ABCA13: variants seen among roughly 807,000 people sequenced by gnomAD.
ABCA13 encodes the protein ATP binding cassette subfamily A member 13.
In ABCA13, 476 loss-of-function variants were observed where a neutral mutation model predicts 478.7. That is an observed-to-expected ratio of 0.99 (90% CI 0.92 to 1.07). ABCA13 has a LOEUF of 1.07. Among genes scored for constraint, ABCA13 ranks in the 50% least tolerant of loss-of-function variants. The pLI is 0.00. For missense variants in ABCA13, 6,060 were observed against 5,910.6 expected, an observed-to-expected ratio of 1.03 and a Z score of -0.83; for synonymous variants, 2,252 against 2,158.9, an observed-to-expected ratio of 1.04 and a Z score of -1.20.
chr7:48,399,814 A>C (rs1003967562), intron 38 of ABCA13, among the ~76,000 whole-genome samples: 2 of 152,148 alleles, frequency 1.3e-5, no homozygotes, highest in Non-Finnish European at 2.9e-5. Flanking sequence ...AGAGGTGGGG[A>C]AGGTCACAGT....
At chr7:48,238,466 TC>T (rs1283052776) in intron 8 of ABCA13, among the ~76,000 whole-genome samples, 1 of 132,896 alleles carries the variant, frequency 7.5e-6, no homozygotes, top group Non-Finnish European at 1.7e-5. Flanking sequence ...CTGTTGAAGT[TC>T]TTTTTTTTTT....
At chr7:48,184,361 T>C (rs767346951) in intron 1 of ABCA13, among the ~76,000 whole-genome samples, 3 of 152,224 alleles carry the variant, frequency 2.0e-5, no homozygotes, top group Non-Finnish European at 4.4e-5. Context: ...GCTTCAAGTC[T>C]ATGGCTGGTC....
intron 42 of ABCA13, among the ~76,000 whole-genome samples, chr7:48,432,034 A>C (rs190639205): frequency 4.8e-4 from 73 of 152,324 alleles, no homozygotes; most frequent in Non-Finnish European, 9.4e-4. Context: ...TTACATACGT[A>C]ACAAACCTGC....
chr7:48,565,699 T>C (rs1376195346), intron 55 of ABCA13, among the ~76,000 whole-genome samples: 11 of 152,160 alleles, frequency 7.2e-5, no homozygotes, highest in Admixed American at 7.2e-4. Flanking sequence ...CTAATCCATA[T>C]GTAAGAAACA....
chr7:48,178,837 A>C (rs1795246890), intron 1 of ABCA13, among the ~76,000 whole-genome samples: 1 of 151,484 alleles, frequency 6.6e-6, no homozygotes, highest in Non-Finnish European at 1.5e-5. Context: ...AAAAGAGAAA[A>C]TAATTCTCTC....
At chr7:48,440,501 T>A (rs1419935464) in intron 42 of ABCA13, among the ~76,000 whole-genome samples, 4 of 152,190 alleles carry the variant, frequency 2.6e-5, no homozygotes, top group African/African-American at 9.6e-5. Flanking sequence ...ATGTCAAAAT[T>A]TATTTAAACT....
chr7:48,475,329 G>A (rs926022497), intron 45 of ABCA13, among the ~76,000 whole-genome samples: 1 of 152,128 alleles, frequency 6.6e-6, no homozygotes, highest in Non-Finnish European at 1.5e-5. Context: ...CCCAAGGCCA[G>A]TTCTCTGGTC....
chr7:48,484,979 C>G (rs1460781252), intron 47 of ABCA13, among the ~76,000 whole-genome samples: 1 of 152,188 alleles, frequency 6.6e-6, no homozygotes, highest in Admixed American at 6.5e-5. Flanking sequence ...ATTTCATAGT[C>G]CTTCTGAAGG....
chr7:48,220,488 G>A (rs1399547213), intron 4 of ABCA13, among the ~76,000 whole-genome samples: 1 of 152,018 alleles, frequency 6.6e-6, no homozygotes, highest in Non-Finnish European at 1.5e-5. Flanking sequence ...TTTCTTCATG[G>A]AGTGTATACA....
At chr7:48,314,752 C>G (rs867498784) in intron 26 of ABCA13, among the ~76,000 whole-genome samples, 2 of 152,162 alleles carry the variant, frequency 1.3e-5, no homozygotes, top group Non-Finnish European at 2.9e-5. Context: ...ATGCAAATGG[C>G]TATATTATAA....
intron 58 of ABCA13, chr7:48,611,913 TGTGTTTG>T (rs1792064342): frequency 6.6e-6 from 1 of 152,226 alleles, no homozygotes; most frequent in Non-Finnish European, 1.5e-5. Context: ...TAAAGAAATA[TGTGTTTG>T]TACAGGAAAA....
chr7:48,216,974 A>G (rs1035225039), intron 3 of ABCA13, among the ~76,000 whole-genome samples: 4 of 152,176 alleles, frequency 2.6e-5, no homozygotes, highest in Non-Finnish European at 4.4e-5. Context: ...TTCTATGTAT[A>G]TTTCATTAAA....
At chr7:48,251,637 GGAA>G (rs1562883008) in intron 15 of ABCA13, among the ~76,000 whole-genome samples, 1 of 151,108 alleles carries the variant, frequency 6.6e-6, no homozygotes, top group East Asian at 1.9e-4. Context: ...ATTAAGAAAC[GGAA>G]TTTAAAAAAA....
chr7:48,597,483 C>G (rs115258505), intron 58 of ABCA13, among the ~76,000 whole-genome samples: 7 of 152,126 alleles, frequency 4.6e-5, no homozygotes, highest in Non-Finnish European at 8.8e-5. Flanking sequence ...TTTTCTGAGT[C>G]AAGTTGCTAG....
chr7:48,595,252 A>G (rs1344895909), intron 58 of ABCA13, among the ~76,000 whole-genome samples: 1 of 152,220 alleles, frequency 6.6e-6, no homozygotes, highest in Non-Finnish European at 1.5e-5. Context: ...TTATCACAGA[A>G]TTAAGTTTGT....
chr7:48,192,891 A>AAG, intron 1 of ABCA13, 68 bp from the exon 2 acceptor site: 1 of 1,251,216 alleles, frequency 8.0e-7, no homozygotes, highest in African/African-American at 1.5e-5. Context: ...GACCTCCTTC[A>AAG]AGAGATGAAA....
chr7:48,491,942 C>T (rs1417657727), intron 48 of ABCA13, among the ~76,000 whole-genome samples: 1 of 152,162 alleles, frequency 6.6e-6, no homozygotes, highest in Non-Finnish European at 1.5e-5. Context: ...GCACCAGGCT[C>T]AGGGGACATT....
chr7:48,644,185 A>G (rs768868011), intron 60 of ABCA13, among the ~76,000 whole-genome samples: 12 of 152,198 alleles, frequency 7.9e-5, no homozygotes, highest in Admixed American at 1.3e-4. Context: ...ATTGGCATAC[A>G]TGAAGACAAG....
chr7:48,514,735 C>A (rs1014204168), intron 51 of ABCA13, among the ~76,000 whole-genome samples: 5 of 151,982 alleles, frequency 3.3e-5, no homozygotes, highest in Admixed American at 2.0e-4. Context: ...GGTTTGAATT[C>A]TCTCTGTGGT....
Sources: allele counts gnomAD v4.1 joint callset (sites outside exome capture counted in the v4.1 genomes callset), GRCh38; gene constraint gnomAD v4.1.1; transcripts MANE v1.5; gene names NCBI Gene and HGNC (gene_info 2026-07-23, HGNC 2026-07-21).